KIAA1217: variants seen among roughly 807,000 people sequenced by gnomAD.
KIAA1217 encodes KIAA1217, also known as sickle tail protein homolog.
Under a neutral mutation model 163.9 loss-of-function variants are expected in KIAA1217, and 88 were observed. The ratio of observed to expected loss-of-function variants is 0.54; its 90% CI spans 0.45 to 0.64. The LOEUF (loss-of-function observed/expected upper bound fraction) is 0.64, where lower values mean the gene tolerates loss of function less well. Ranked by LOEUF, KIAA1217 falls within the 30% of genes least tolerant of loss-of-function variation. The pLI, the probability that KIAA1217 is intolerant of heterozygous loss-of-function variation, is 0.00. For missense variants in KIAA1217, 2,372 were observed against 2,475.0 expected (o/e 0.96, Z 0.88); for synonymous variants, 903 against 923.1 (o/e 0.98, Z 0.39).
chr10:23,891,948 A>G (rs972909742), intron 1 of KIAA1217, among the ~76,000 whole-genome samples: 1 of 151,898 alleles, frequency 6.6e-6, no homozygotes, highest in African/African-American at 2.4e-5. Flanking sequence ...CAACTTATAA[A>G]TCTCTGAAGG....
At chr10:24,220,427 G>A (rs1321851505) in intron 2 of KIAA1217, among the ~76,000 whole-genome samples, 4 of 149,264 alleles carry the variant, frequency 2.7e-5, no homozygotes, top group Non-Finnish European at 4.4e-5. Flanking sequence ...GCTGACATTA[G>A]GGTTTTGTTT....
At chr10:24,349,913 G>A (rs2048248280) in intron 2 of KIAA1217, among the ~76,000 whole-genome samples, 1 of 152,206 alleles carries the variant, frequency 6.6e-6, no homozygotes, top group Non-Finnish European at 1.5e-5. Context: ...CTTTAACCCA[G>A]TGAGCTGAAG....
chr10:24,493,955 C>T (rs551609543), intron 6 of KIAA1217, among the ~76,000 whole-genome samples: 97 of 152,200 alleles, frequency 6.4e-4, no homozygotes, highest in Non-Finnish European at 1.0e-3. Context: ...CCACCGCGCC[C>T]GGCCGGGTTT....
intron 1 of KIAA1217, among the ~76,000 whole-genome samples, chr10:23,966,263 G>T (rs1845062077): frequency 6.6e-6 from 1 of 152,184 alleles, no homozygotes; most frequent in Non-Finnish European, 1.5e-5. Context: ...CTTTGGAGAG[G>T]ATCTGCCAAG....
intron 9 of KIAA1217, among the ~76,000 whole-genome samples, chr10:24,510,740 T>G (rs1309736667): frequency 6.6e-6 from 1 of 152,136 alleles, no homozygotes; most frequent in Non-Finnish European, 1.5e-5. Context: ...GTGTGGTTAA[T>G]CAACCGATAT....
intron 1 of KIAA1217, among the ~76,000 whole-genome samples, chr10:23,855,323 A>G (rs1839594661): frequency 6.6e-6 from 1 of 152,150 alleles, no homozygotes; most frequent in South Asian, 2.1e-4. Flanking sequence ...TCTTTTCTTT[A>G]AGAATGTTGA....
At chr10:23,814,255 C>T (rs1175523052) in intron 1 of KIAA1217, among the ~76,000 whole-genome samples, 3 of 152,098 alleles carry the variant, frequency 2.0e-5, no homozygotes, top group Non-Finnish European at 4.4e-5. Flanking sequence ...ATGAGTGGAT[C>T]ATTCTGCTCC....
At chr10:23,737,278 C>A (rs6482333) in intron 1 of KIAA1217, among the ~76,000 whole-genome samples, 15 of 151,938 alleles carry the variant, frequency 9.9e-5, no homozygotes, top group African/African-American at 3.1e-4. Context: ...AGCTCACTGC[C>A]ACCTCTGCCT....
At chr10:24,360,293 C>T (rs991335512) in intron 2 of KIAA1217, among the ~76,000 whole-genome samples, 8 of 151,994 alleles carry the variant, frequency 5.3e-5, no homozygotes, top group Non-Finnish European at 1.0e-4. Flanking sequence ...AGTGATCCAC[C>T]CACCTTTGCC....
At chr10:24,169,720 C>A (rs1286419742) in intron 2 of KIAA1217, among the ~76,000 whole-genome samples, 2 of 152,028 alleles carry the variant, frequency 1.3e-5, no homozygotes, top group Admixed American at 6.6e-5. Flanking sequence ...TTACCAGGAC[C>A]CTTCCAAGGA....
chr10:24,037,054 T>C (rs991853909), intron 2 of KIAA1217, among the ~76,000 whole-genome samples: 6 of 152,160 alleles, frequency 3.9e-5, no homozygotes, highest in African/African-American at 1.4e-4. Context: ...CACCAGCACA[T>C]GCAGGAGGCT....
chr10:24,350,645 G>A (rs2048340421), intron 2 of KIAA1217, among the ~76,000 whole-genome samples: 1 of 152,116 alleles, frequency 6.6e-6, no homozygotes, highest in East Asian at 1.9e-4. Flanking sequence ...CATATCTAAA[G>A]GAATGCAGTA....
intron 1 of KIAA1217, among the ~76,000 whole-genome samples, chr10:23,766,109 T>C (rs1280024779): frequency 6.6e-6 from 1 of 152,220 alleles, no homozygotes; most frequent in African/African-American, 2.4e-5. Flanking sequence ...ATATTCTTCT[T>C]CTCTAGGAGG....
chr10:24,538,654 G>T (rs982167784), intron 17 of KIAA1217, among the ~76,000 whole-genome samples: 1 of 143,232 alleles, frequency 7.0e-6, no homozygotes, highest in African/African-American at 2.6e-5. Context: ...AGGAAGGGAG[G>T]GAAAAGAAAG....
Position 24,015,533 on chromosome 10 carries a change from A to T in KIAA1217, c.-171+8159A>T, listed in dbSNP as rs530281179. 1.1e-3 allele frequency among the ~76,000 whole-genome samples: 160 copies of T among 152,160 alleles called. 1 individual carries two copies. The highest frequency in any genetic ancestry group is 3.7e-3 in the African/African-American group (155 of 41,532). On this transcript the variant is annotated intron_variant, in intron 2 of 18. Coordinates refer to the KIAA1217 transcript ENST00000376462. ...CACTTTGGGAGGCCAAGGCAGGTGGATCACCTGAGGTCAAGAGTTCAAGAC... is the reference window on the plus strand; with the variant it reads ...CACTTTGGGAGGCCAAGGCAGGTGGTTCACCTGAGGTCAAGAGTTCAAGAC...
intron 1 of KIAA1217, among the ~76,000 whole-genome samples, chr10:23,944,845 G>A (rs563963119): frequency 3.3e-5 from 5 of 152,068 alleles, no homozygotes; most frequent in Non-Finnish European, 7.4e-5. Context: ...GATCACCTGA[G>A]GTCAGGAGTT....
chr10:24,308,682 G>A (rs1394947380), intron 2 of KIAA1217, among the ~76,000 whole-genome samples: 1 of 152,178 alleles, frequency 6.6e-6, no homozygotes, highest in Non-Finnish European at 1.5e-5. Context: ...AATCTCCCTT[G>A]TTATTCTCCC....
At chr10:23,772,223 G>T (rs559210568) in intron 1 of KIAA1217, among the ~76,000 whole-genome samples, 37 of 152,202 alleles carry the variant, frequency 2.4e-4, no homozygotes, top group African/African-American at 7.7e-4. Flanking sequence ...TTGCCTCAGC[G>T]GACAGCAGAA....
intron 2 of KIAA1217, among the ~76,000 whole-genome samples, chr10:24,299,975 G>C (rs1235966772): frequency 6.6e-6 from 1 of 152,090 alleles, no homozygotes; most frequent in Non-Finnish European, 1.5e-5. Context: ...TTTACTGCTT[G>C]TTCGATTCCA....
Sources: allele counts gnomAD v4.1 joint callset (sites outside exome capture counted in the v4.1 genomes callset), GRCh38; gene constraint gnomAD v4.1.1; transcripts MANE v1.5; gene names NCBI Gene and HGNC (gene_info 2026-07-23, HGNC 2026-07-21).